The following GID4 variants were observed in gnomAD, a reference collection of about 807,000 sequenced individuals.
GID4 encodes the protein glucose-induced degradation protein 4 homolog.
A neutral mutation model predicts 32.4 loss-of-function variants in GID4; 7 were observed. The ratio of observed to expected loss-of-function variants is 0.22; its 90% CI spans 0.12 to 0.41. GID4 has a LOEUF of 0.41. GID4 is among the 10% of genes least tolerant of loss of function. The probability of loss-of-function intolerance (pLI) is 1.00; values close to 1 mark genes in which losing one functional copy is unlikely to be tolerated. For missense variants in GID4, 309 were observed against 400.0 expected, an observed-to-expected ratio of 0.77 and a Z score of 1.94; for synonymous variants, 166 against 170.0, an observed-to-expected ratio of 0.98 and a Z score of 0.18.
At chr17:18,054,999 G>A (rs774146749) in intron 3 of GID4, among the ~76,000 whole-genome samples, 37 of 151,704 alleles carry the variant, frequency 2.4e-4, no homozygotes, top group Non-Finnish European at 3.2e-4. Flanking sequence ...GTGAAACCTC[G>A]TCTCTACCAA....
rs775850295 is a variant in GID4, at chr17:18,050,785, A to C, written c.499-3342A>C. On this transcript the variant is annotated intron_variant, in intron 2 of 5. Coordinates refer to ENST00000268719, the MANE Select transcript of GID4 (RefSeq NM_024052.5). ...AATCAGTGGGAGGATTAGTTGGGGG[A>C]CTTAAATGTCTGACAACAGCCAGAC... is the stretch of plus-strand genomic sequence containing the variant. Among the ~76,000 whole-genome samples, 50 of 152,230 alleles carry C rather than the reference A, an allele frequency of 3.3e-4. 1 individual carries two copies. Among genetic ancestry groups the C allele is most frequent in the Non-Finnish European group, 5.6e-4 (38 of 68,012 alleles).
intron 4 of GID4, among the ~76,000 whole-genome samples, chr17:18,059,811 C>T (rs570106331): frequency 3.9e-5 from 6 of 152,070 alleles, no homozygotes; most frequent in South Asian, 2.1e-4. Flanking sequence ...ATCGGCCGGG[C>T]GTGGTGGATC....
chr17:18,054,835 G>A lies in GID4; in HGVS notation c.606+601G>A, dbSNP rs567088510. On this transcript the variant is annotated intron_variant, in intron 3 of 5. Transcript: ENST00000268719. ...AATGCTTCAAGACAGTTAGTGTCCTGGGATCTTTTCATTTGTTGTCATATA... is the reference window on the plus strand; with the variant it reads ...AATGCTTCAAGACAGTTAGTGTCCTAGGATCTTTTCATTTGTTGTCATATA... 4.6e-5 allele frequency among the ~76,000 whole-genome samples: 7 copies of A among 152,138 alleles called. No individual in the cohort carries two copies. In the East Asian group the frequency reaches 5.8e-4, roughly 13 times the overall value.
chr17:18,039,568 G>A lies in GID4; in HGVS notation c.104G>A (p.Arg35Lys), dbSNP rs937141107. Residue 35 changes from arginine to lysine, a missense_variant, in exon 1 of 6, where the codon AGG becomes AAG. Coordinates refer to ENST00000268719, the MANE Select transcript of GID4 (RefSeq NM_024052.5). The surrounding 1 kb of genome is among the most constrained non-coding windows in gnomAD (Gnocchi z 5.3). ...TGGCGGCCGGAGCGCTTGCTCCGCAGGCAGCGGGCGGGTGGTCGCCCCTCC... is the reference window on the plus strand; with the variant it reads ...TGGCGGCCGGAGCGCTTGCTCCGCAAGCAGCGGGCGGGTGGTCGCCCCTCC... The part of the protein sequence containing the change: ...SRWRPERLLR[R>K]QRAGGRPSRP... The A allele has an allele frequency of 1.5e-6, 2 of 1,302,756 alleles. No homozygotes were observed. The highest frequency in any genetic ancestry group is 4.2e-5 in the Admixed American group (1 of 23,982). 80.7% of individuals were successfully genotyped at this position (1,302,756 alleles called of 1,614,324 possible).
chr17:18,048,878 G>T (rs2044881767), intron 2 of GID4, among the ~76,000 whole-genome samples: 1 of 150,842 alleles, frequency 6.6e-6, no homozygotes, highest in Non-Finnish European at 1.5e-5. Flanking sequence ...CCTGACCTCA[G>T]ATGAACCACC....
chr17:18,060,135 C>T (rs897659195), intron 4 of GID4, among the ~76,000 whole-genome samples: 1 of 148,608 alleles, frequency 6.7e-6, no homozygotes, highest in Non-Finnish European at 1.5e-5. Context: ...CGCGGTGGCT[C>T]ATGCCTGTAA....
At chr17:18,057,296 G>GCAT (rs778665809) in intron 3 of GID4, 51 of 382,754 alleles carry the variant, frequency 1.3e-4, no homozygotes, top group Non-Finnish European at 2.1e-4. Flanking sequence ...ACCAGGCATG[G>GCAT]TGGCACACAC....
chr17:18,064,039 G>A (rs962576257), intron 5 of GID4, among the ~76,000 whole-genome samples: 2 of 152,160 alleles, frequency 1.3e-5, no homozygotes, highest in African/African-American at 2.4e-5. Context: ...CACCGTGCCC[G>A]GCCGGTATAT....
chr17:18,054,721 G>A (rs945194257), intron 3 of GID4, among the ~76,000 whole-genome samples: 1 of 152,200 alleles, frequency 6.6e-6, no homozygotes, highest in African/African-American at 2.4e-5. Context: ...TGACAGACAA[G>A]TATAGTCTTG....
chr17:18,065,001 A>C (rs1009388079), intron 5 of GID4, among the ~76,000 whole-genome samples, 179 bp from the exon 6 acceptor site: 11 of 152,228 alleles, frequency 7.2e-5, no homozygotes, highest in Non-Finnish European at 1.6e-4. Context: ...AGGATTAACC[A>C]AAAAAAGAAA....
intron 2 of GID4, among the ~76,000 whole-genome samples, chr17:18,048,721 C>T (rs1353300628): frequency 6.6e-6 from 1 of 151,816 alleles, no homozygotes; most frequent in African/African-American, 2.4e-5. Context: ...CAGCTCACTG[C>T]AACTTCCACC....
intron 2 of GID4, among the ~76,000 whole-genome samples, chr17:18,048,688 G>T (rs2044879985): frequency 6.6e-6 from 1 of 151,504 alleles, no homozygotes; most frequent in East Asian, 2.0e-4. Flanking sequence ...TGTCACCCGG[G>T]CTGGAGTGCA....
chr17:18,045,676 C>T (rs982292784), intron 2 of GID4, among the ~76,000 whole-genome samples: 1 of 151,636 alleles, frequency 6.6e-6, no homozygotes, highest in Non-Finnish European at 1.5e-5. Context: ...GTGCAGATCA[C>T]TTGAGGTAGG....
chr17:18,040,860 C>T (rs764610957), intron 1 of GID4, among the ~76,000 whole-genome samples: 1 of 152,212 alleles, frequency 6.6e-6, no homozygotes, highest in Non-Finnish European at 1.5e-5. Context: ...TGTCCAGTCG[C>T]CTCCCCCCAT....
chr17:18,043,166 T>C (rs1597688616), intron 1 of GID4, among the ~76,000 whole-genome samples: 1 of 152,214 alleles, frequency 6.6e-6, no homozygotes, highest in Non-Finnish European at 1.5e-5. Flanking sequence ...TGCCCTGTTA[T>C]CTTTCTTGAG....
chr17:18,057,928 G>T (rs2044984481), intron 3 of GID4, among the ~76,000 whole-genome samples: 1 of 152,032 alleles, frequency 6.6e-6, no homozygotes, highest in Non-Finnish European at 1.5e-5. Context: ...CCGCCTCCCG[G>T]GTTCACGCCA....
At chr17:18,040,500 C>T (rs888441477) in intron 1 of GID4, among the ~76,000 whole-genome samples, 2 of 152,200 alleles carry the variant, frequency 1.3e-5, no homozygotes, top group Non-Finnish European at 1.5e-5. Flanking sequence ...CTGGCCTCAC[C>T]TCAAGACCAG....
At chr17:18,062,679 A>C (rs1042583382) in intron 5 of GID4, among the ~76,000 whole-genome samples, 6 of 152,212 alleles carry the variant, frequency 3.9e-5, no homozygotes, top group Non-Finnish European at 7.3e-5. Flanking sequence ...TTCAGTGGTA[A>C]CGAAATTATA....
At chr17:18,047,738 C>T (rs752643294) in intron 2 of GID4, among the ~76,000 whole-genome samples, 2 of 152,152 alleles carry the variant, frequency 1.3e-5, no homozygotes, top group Non-Finnish European at 1.5e-5. Flanking sequence ...AGGGGTGTTG[C>T]GTTAAAGCAA....
Sources: allele counts gnomAD v4.1 joint callset (sites outside exome capture counted in the v4.1 genomes callset), GRCh38; gene constraint gnomAD v4.1.1; non-coding constraint Gnocchi (gnomAD v3.1); transcripts MANE v1.5; gene names NCBI Gene and HGNC (gene_info 2026-07-23, HGNC 2026-07-21).